Variants in TUBD1 observed in about 807,000 individuals in gnomAD.
TUBD1 encodes tubulin delta 1.
Under a neutral mutation model 51.2 loss-of-function variants are expected in TUBD1, and 38 were observed. That is an observed-to-expected ratio of 0.74 (90% CI 0.57 to 0.97). The LOEUF is 0.97. Among genes scored for constraint, TUBD1 ranks in the 50% least tolerant of loss-of-function variants. The probability of loss-of-function intolerance (pLI) is 0.00; values close to 1 mark genes in which losing one functional copy is unlikely to be tolerated. For missense variants in TUBD1, 489 were observed against 538.4 expected, an observed-to-expected ratio of 0.91 and a Z score of 0.91; for synonymous variants, 169 against 178.2, an observed-to-expected ratio of 0.95 and a Z score of 0.41.
intron 2 of TUBD1, among the ~76,000 whole-genome samples, chr17:59,889,727 T>C (rs1004641672): frequency 5.3e-5 from 8 of 149,922 alleles, no homozygotes; most frequent in Admixed American, 4.7e-4. Flanking sequence ...CCCATCACTT[T>C]GGGAGGCCAA....
intron 6 of TUBD1, among the ~76,000 whole-genome samples, chr17:59,873,950 G>T (rs1470269076): frequency 1.3e-5 from 2 of 152,054 alleles, no homozygotes; most frequent in Admixed American, 6.6e-5. Context: ...AGCACTTTGG[G>T]AGGCCAAGAC....
chr17:59,886,261 A>G, intron 2 of TUBD1, 31 bp from the exon 3 acceptor site: 4 of 1,593,472 alleles, frequency 2.5e-6, no homozygotes, highest in South Asian at 2.3e-5. Context: ...AAAAACATCG[A>G]AAGAAAAAAA....
rs2040731443 is a variant in TUBD1 at position 59,886,446 on chromosome 17, G to C, written c.173-216C>G. ...AAGCCCAGCATTTGCTAAGCAGGCT[G>C]AATCAGTGTGGGCCTAAAAGAGTAC... is the stretch of plus-strand genomic sequence containing the variant. On this transcript the variant is annotated intron_variant, in intron 2 of 8. Coordinates refer to ENST00000325752, the MANE Select transcript of TUBD1 (RefSeq NM_016261.4). 9.8e-6 allele frequency: 5 copies of C among 508,054 alleles called. 1 individual carries two copies. The South Asian group carries it at 1.0e-4, about 10-fold the overall frequency. 31.5% of individuals were successfully genotyped at this position (508,054 alleles called of 1,614,324 possible). A position where few individuals can be genotyped will look rare whatever the true frequency, so the allele number is the denominator to read the frequency against.
intron 7 of TUBD1, 83 bp from the exon 8 acceptor site, chr17:59,863,930 A>T: frequency 8.6e-7 from 1 of 1,165,140 alleles, no homozygotes; most frequent in Non-Finnish European, 1.1e-6. Flanking sequence ...TTTCTTGTCT[A>T]TTTCATCAGA....
chr17:59,863,719 A>G lies in TUBD1; in HGVS notation c.1204T>C (p.Leu402=). ...SAVLVSNSQF[L]VKPLDMIVGK... The stretch of plus-strand genomic sequence containing the variant: ...ACAATCATATCAAGTGGTTTTACTA[A>G]GAACTGGCTGTTGCTGACCAACACT... The change falls in exon 8 of 9, where the codon TTA becomes CTA. Residue 402 remains leucine, a synonymous_variant. Coordinates refer to ENST00000325752, the MANE Select transcript of TUBD1 (RefSeq NM_016261.4). The G allele has an allele frequency of 1.2e-6, 2 of 1,604,316 alleles. No homozygotes were observed. Among genetic ancestry groups the G allele is most frequent in the Non-Finnish European group, 1.7e-6 (2 of 1,177,348 alleles).
intron 8 of TUBD1, among the ~76,000 whole-genome samples, chr17:59,862,323 C>CAA (rs61036233): frequency 3.2e-4 from 43 of 135,042 alleles, no homozygotes; most frequent in Middle Eastern, 3.8e-3. Flanking sequence ...AACTCCATCT[C>CAA]AAAAAAAAAA....
Position 59,878,155 on chromosome 17 carries a change from G to C in TUBD1, c.717C>G (p.Phe239Leu). 6.2e-7 allele frequency: 1 copy of C among 1,614,106 alleles called. No individual in the cohort carries two copies. Among genetic ancestry groups the C allele is most frequent in the Non-Finnish European group, 8.5e-7 (1 of 1,180,024 alleles). ...AGCTTTCTGCAGAATAAGTAGGCTG[G>C]AACACACTTCCCAGCTGATGTGCGA... ...QVLAHQLGSVFQPTYSAESSF... is the reference protein window; with the variant it reads ...QVLAHQLGSVLQPTYSAESSF... Residue 239 changes from phenylalanine to leucine, a missense_variant, in exon 5 of 9, where the codon TTC becomes TTG. Phe to Leu is a conservative substitution (Grantham distance 22, BLOSUM62 0). Coordinates refer to ENST00000325752, the MANE Select transcript of TUBD1 (RefSeq NM_016261.4).
intron 8 of TUBD1, 93 bp downstream of exon 8, chr17:59,863,571 C>T (rs925578534): frequency 1.1e-5 from 12 of 1,051,294 alleles, no homozygotes; most frequent in Admixed American, 3.2e-5. Context: ...GAGCCAAGAT[C>T]GTGCCACTGC....
chr17:59,860,949 G>A (rs1464359821), intron 8 of TUBD1, among the ~76,000 whole-genome samples: 1 of 151,942 alleles, frequency 6.6e-6, no homozygotes, highest in African/African-American at 2.4e-5. Context: ...TGGCAAAGGA[G>A]AGGCACCCGG....
At chr17:59,868,761 C>G (rs2039838324) in intron 6 of TUBD1, among the ~76,000 whole-genome samples, 2 of 151,718 alleles carry the variant, frequency 1.3e-5, no homozygotes, top group Admixed American at 1.3e-4. Flanking sequence ...CGCTTGAACC[C>G]GGGAGGCGGA....
intron 3 of TUBD1, 123 bp downstream of exon 3, chr17:59,885,960 A>C: frequency 5.4e-6 from 6 of 1,107,606 alleles, no homozygotes; most frequent in Non-Finnish European, 6.4e-6. Context: ...TAAAATTCTA[A>C]ATCTAAAACA....
intron 3 of TUBD1, chr17:59,885,499 G>T (rs891530135): frequency 1.3e-6 from 2 of 1,579,716 alleles, no homozygotes; most frequent in African/African-American, 1.4e-5. Flanking sequence ...TCTGTACCTG[G>T]AACGAGGCGG....
intron 2 of TUBD1, among the ~76,000 whole-genome samples, chr17:59,887,509 G>A (rs909552168): frequency 6.6e-6 from 1 of 152,196 alleles, no homozygotes; most frequent in Non-Finnish European, 1.5e-5. Context: ...ATCCAGCTCA[G>A]AATTGTTGGA....
At chr17:59,882,618 G>A (rs539920718) in intron 3 of TUBD1, among the ~76,000 whole-genome samples, 11 of 152,018 alleles carry the variant, frequency 7.2e-5, no homozygotes, top group African/African-American at 2.4e-4. Flanking sequence ...TCCTTTTTGA[G>A]TTAGGGTCTT....
At chr17:59,876,844 T>C (rs959391598) in intron 5 of TUBD1, among the ~76,000 whole-genome samples, 4 of 151,738 alleles carry the variant, frequency 2.6e-5, no homozygotes, top group African/African-American at 9.7e-5. Flanking sequence ...GCTTTCTTGT[T>C]CAGCTACTCT....
chr17:59,884,163 A>G (rs1340002795), intron 3 of TUBD1, among the ~76,000 whole-genome samples: 1 of 151,924 alleles, frequency 6.6e-6, no homozygotes, highest in Non-Finnish European at 1.5e-5. Context: ...CGGGAGACTG[A>G]GGCAGGAGAA....
intron 5 of TUBD1, among the ~76,000 whole-genome samples, chr17:59,877,151 G>A (rs369914000): frequency 1.3e-4 from 20 of 152,130 alleles, no homozygotes; most frequent in African/African-American, 3.6e-4. Context: ...GAGCCACCAC[G>A]CCTGGCCACC....
At chr17:59,885,950 TA>T in intron 3 of TUBD1, 132 bp downstream of exon 3, 1 of 1,008,796 alleles carries the variant, frequency 9.9e-7, no homozygotes, top group Non-Finnish European at 1.4e-6. Context: ...CTGGGTAAAA[TA>T]AAATTCTAAA....
chr17:59,882,997 C>A (rs542877095), intron 3 of TUBD1, among the ~76,000 whole-genome samples: 87 of 151,514 alleles, frequency 5.7e-4, no homozygotes, highest in Middle Eastern at 3.4e-3. Context: ...GTTGGCCAGG[C>A]TGGTCTCAAA....
Sources: allele counts gnomAD v4.1 joint callset (sites outside exome capture counted in the v4.1 genomes callset), GRCh38; gene constraint gnomAD v4.1.1; transcripts MANE v1.5; gene names NCBI Gene and HGNC (gene_info 2026-07-23, HGNC 2026-07-21).